Variants in TF observed in about 807,000 individuals in gnomAD.
TF encodes serotransferrin.
TF carries 55 observed loss-of-function variants against 82.4 expected under a neutral mutation model. That is an observed-to-expected ratio of 0.67 (90% CI 0.54 to 0.84). The LOEUF (loss-of-function observed/expected upper bound fraction) is 0.84. Among genes scored for constraint, TF ranks in the 40% least tolerant of loss-of-function variants. TF has a pLI of 0.00. For synonymous variants in TF, 332 were observed against 332.6 expected (o/e 1.00, Z 0.02); for missense variants, 737 against 868.4 (o/e 0.85, Z 1.90).
chr3:133,756,381 G>GA, intron 6 of TF, 44 bp downstream of exon 6: 1 of 1,594,318 alleles, frequency 6.3e-7, no homozygotes, highest in Middle Eastern at 1.7e-4. Context: ...CCAAGTAGTG[G>GA]GTGTTCTTTT....
chr3:133,714,825 G>A, the TF span, among the ~76,000 whole-genome samples: 1 of 152,148 alleles, frequency 6.6e-6, no homozygotes, highest in African/African-American at 2.4e-5. Flanking sequence ...TGGGATTACA[G>A]GTGCCCACCA....
the TF span, among the ~76,000 whole-genome samples, chr3:133,732,581 T>C: frequency 6.6e-6 from 1 of 152,218 alleles, no homozygotes. Flanking sequence ...ATCTTGCTGC[T>C]GCGCACTGTT....
At chr3:133,712,999 C>T in the TF span, among the ~76,000 whole-genome samples, 3 of 152,166 alleles carry the variant, frequency 2.0e-5, no homozygotes, top group East Asian at 3.9e-4. Context: ...CCTGCAGACC[C>T]AGATGATTTA....
At chr3:133,749,327 GCTC>G (rs1237831070) in intron 2 of TF, among the ~76,000 whole-genome samples, 1 of 152,152 alleles carries the variant, frequency 6.6e-6, no homozygotes, top group African/African-American at 2.4e-5. Context: ...CTACAAAAAT[GCTC>G]TTCATTCTTT....
the TF span, among the ~76,000 whole-genome samples, chr3:133,721,588 C>A: frequency 6.6e-6 from 1 of 152,112 alleles, no homozygotes; most frequent in Non-Finnish European, 1.5e-5. Context: ...CTGTAAATAT[C>A]TTTTAGGCCA....
intron 2 of TF, among the ~76,000 whole-genome samples, chr3:133,751,058 C>A: frequency 6.6e-6 from 1 of 151,846 alleles, no homozygotes; most frequent in East Asian, 1.9e-4. Context: ...GTTTTACAAC[C>A]CAAATATCCA....
the TF span, among the ~76,000 whole-genome samples, chr3:133,681,375 C>T: frequency 0.01 from 1,572 of 152,286 alleles, 8 homozygotes; most frequent in Non-Finnish European, 0.014. Flanking sequence ...GTGCAGCCCA[C>T]GGAGCATGAC....
intron 1 of TF, chr3:133,747,253 C>G (rs1429814661): frequency 6.5e-6 from 1 of 153,396 alleles, no homozygotes; most frequent in Non-Finnish European, 1.5e-5. Flanking sequence ...TTGCCTTTAT[C>G]CCCGCACAGA....
the TF span, among the ~76,000 whole-genome samples, chr3:133,674,788 C>T: frequency 7.9e-5 from 12 of 152,178 alleles, 2 homozygotes; most frequent in East Asian, 1.3e-3. Context: ...CGATGCACCC[C>T]TGAAAGTGCT....
At chr3:133,741,226 A>G (rs1430473002), upstream of TF, among the ~76,000 whole-genome samples, 1 of 151,908 alleles carries the variant, frequency 6.6e-6, no homozygotes, top group Non-Finnish European at 1.5e-5. Flanking sequence ...TCCTGACCTC[A>G]GGTGATGCTG....
At chr3:133,689,977 C>A in the TF span, among the ~76,000 whole-genome samples, 1 of 151,902 alleles carries the variant, frequency 6.6e-6, no homozygotes, top group African/African-American at 2.4e-5. Flanking sequence ...ACTTGCCAAA[C>A]AAATGGCTGA....
chr3:133,722,960 C>G, the TF span, among the ~76,000 whole-genome samples: 1 of 152,138 alleles, frequency 6.6e-6, no homozygotes. Context: ...TAAGGCTGGT[C>G]TTAGGGGTGA....
At chr3:133,769,112 T>C (rs905169876) in intron 13 of TF, among the ~76,000 whole-genome samples, 3 of 152,182 alleles carry the variant, frequency 2.0e-5, no homozygotes, top group Non-Finnish European at 2.9e-5. Context: ...ACTTTTTAAC[T>C]ACCCATTCTG....
At chr3:133,679,432 T>C in the TF span, among the ~76,000 whole-genome samples, 1 of 152,332 alleles carries the variant, frequency 6.6e-6, no homozygotes, top group East Asian at 1.9e-4. Flanking sequence ...TCCACGTAAT[T>C]ATCACCAAGA....
the TF span, among the ~76,000 whole-genome samples, chr3:133,727,300 G>A: frequency 6.6e-6 from 1 of 151,566 alleles, no homozygotes; most frequent in Non-Finnish European, 1.5e-5. Context: ...AAGTTTCTTT[G>A]TAGGTCACTC....
At chr3:133,717,910 G>T in the TF span, among the ~76,000 whole-genome samples, 2 of 152,166 alleles carry the variant, frequency 1.3e-5, no homozygotes, top group Non-Finnish European at 2.9e-5. Context: ...GAGATTCATG[G>T]ATATATTGCC....
intron 9 of TF, among the ~76,000 whole-genome samples, chr3:133,762,538 T>C (rs1576362191): frequency 6.6e-6 from 1 of 152,166 alleles, no homozygotes; most frequent in East Asian, 1.9e-4. Context: ...TGTGCCTAAT[T>C]TATAAACTTT....
intron 2 of TF, 28 bp downstream of exon 2, chr3:133,748,612 G>A: frequency 1.9e-6 from 3 of 1,613,060 alleles, no homozygotes; most frequent in Non-Finnish European, 1.7e-6. Context: ...AAAAGAGAGT[G>A]GAAGAAAGCC....
chr3:133,761,233 G>A (rs982907109), intron 9 of TF: 1 of 213,744 alleles, frequency 4.7e-6, no homozygotes, highest in Non-Finnish European at 1.0e-5. Flanking sequence ...TCCCAGACTG[G>A]AGGAGGAAGA....
Sources: allele counts gnomAD v4.1 joint callset (sites outside exome capture counted in the v4.1 genomes callset), GRCh38; gene constraint gnomAD v4.1.1; transcripts MANE v1.5; gene names NCBI Gene and HGNC (gene_info 2026-07-23, HGNC 2026-07-21).